Variants in SLC24A3 observed in about 807,000 individuals in gnomAD.
SLC24A3 encodes the protein solute carrier family 24 member 3, also known as sodium/potassium/calcium exchanger 3.
A neutral mutation model predicts 75.8 loss-of-function variants in SLC24A3; 28 were observed. The observed-to-expected ratio is 0.37, with a 90% CI of 0.27 to 0.51. The LOEUF is 0.51. Ranked by LOEUF, SLC24A3 falls within the 20% of genes least tolerant of loss-of-function variation. The pLI, the probability that SLC24A3 is intolerant of heterozygous loss-of-function variation, is 0.94. For missense variants in SLC24A3, 663 were observed against 847.8 expected (o/e 0.78, Z 2.71); for synonymous variants, 372 against 334.1 (o/e 1.11, Z -1.24).
intron 7 of SLC24A3, among the ~76,000 whole-genome samples, chr20:19,656,310 A>C (rs1239810276): frequency 6.6e-6 from 1 of 152,100 alleles, no homozygotes; most frequent in Non-Finnish European, 1.5e-5. Context: ...AGGGAACTGG[A>C]CCTACCATGC....
In SLC24A3 at chr20:19,624,761, T is replaced by C. The variant is rs140210178; in HGVS notation, c.613-29301T>C. Among the ~76,000 whole-genome samples, 657 of 152,348 alleles carry C rather than the reference T, an allele frequency of 4.3e-3. 3 individuals are homozygous for C. The highest frequency in any genetic ancestry group is 0.015 in the African/African-American group (605 of 41,574). On this transcript the variant is annotated intron_variant, in intron 6 of 16. Transcript: ENST00000328041. ...CACTGTGCATGACCACTTATTTAGA[T>C]CTTGGGAAGAGGAAGTGAGCAGGCA...
chr20:19,390,926 G>A (rs1472374225), intron 2 of SLC24A3, among the ~76,000 whole-genome samples: 1 of 152,184 alleles, frequency 6.6e-6, no homozygotes, highest in Non-Finnish European at 1.5e-5. Flanking sequence ...GGGCTTGCCT[G>A]GAAGTGTAGC....
intron 2 of SLC24A3, among the ~76,000 whole-genome samples, chr20:19,443,707 G>T (rs1320688014): frequency 1.3e-5 from 2 of 152,124 alleles, no homozygotes; most frequent in Admixed American, 1.3e-4. Context: ...TTATTATGAT[G>T]TTGAATAGGA....
At chr20:19,468,444 G>C (rs1447434994) in intron 2 of SLC24A3, among the ~76,000 whole-genome samples, 1 of 152,004 alleles carries the variant, frequency 6.6e-6, no homozygotes. Flanking sequence ...CATTTTAACA[G>C]CAAGCAGGAG....
At chr20:19,714,069 A>G (rs2033017645) in intron 15 of SLC24A3, among the ~76,000 whole-genome samples, 1 of 152,216 alleles carries the variant, frequency 6.6e-6, no homozygotes, top group African/African-American at 2.4e-5. Flanking sequence ...TTGATGATAC[A>G]TAAATGAATG....
At chr20:19,253,747 G>T (rs544482301) in intron 1 of SLC24A3, among the ~76,000 whole-genome samples, 1 of 152,310 alleles carries the variant, frequency 6.6e-6, no homozygotes, top group East Asian at 1.9e-4. Flanking sequence ...GAAAGTGCAT[G>T]GAATGGTCCT....
At chr20:19,515,709 G>A (rs1001818548) in intron 3 of SLC24A3, 145 bp downstream of exon 3, 118 of 727,898 alleles carry the variant, frequency 1.6e-4, no homozygotes, top group Non-Finnish European at 3.3e-5. Flanking sequence ...GCTCTGTAGG[G>A]GGCCATCACC....
chr20:19,508,674 C>G (rs1483469229), intron 2 of SLC24A3, among the ~76,000 whole-genome samples: 1 of 152,202 alleles, frequency 6.6e-6, no homozygotes, highest in Non-Finnish European at 1.5e-5. Context: ...ATGGGAACAG[C>G]ACCGCTTGCT....
intron 2 of SLC24A3, among the ~76,000 whole-genome samples, chr20:19,454,259 G>A (rs181638197): frequency 2.3e-4 from 35 of 152,284 alleles, no homozygotes; most frequent in African/African-American, 7.7e-4. Context: ...ACCCATCAAT[G>A]TTGTGTTCCC....
At chr20:19,435,526 T>G (rs1185507074) in intron 2 of SLC24A3, among the ~76,000 whole-genome samples, 1 of 152,226 alleles carries the variant, frequency 6.6e-6, no homozygotes, top group Non-Finnish European at 1.5e-5. Flanking sequence ...TCTACTTGGC[T>G]AGATGATGTG....
intron 15 of SLC24A3, among the ~76,000 whole-genome samples, chr20:19,713,725 G>T (rs912381224): frequency 6.6e-6 from 1 of 152,094 alleles, no homozygotes; most frequent in Non-Finnish European, 1.5e-5. Context: ...TATTCAGAAG[G>T]TATTACACAC....
chr20:19,297,926 G>A (rs755050228), intron 2 of SLC24A3, among the ~76,000 whole-genome samples: 6 of 152,218 alleles, frequency 3.9e-5, no homozygotes, highest in Non-Finnish European at 7.3e-5. Flanking sequence ...AAGGGAAGAA[G>A]GAAGGGAGGA....
At chr20:19,579,405 T>C (rs2031186992) in intron 3 of SLC24A3, among the ~76,000 whole-genome samples, 1 of 152,206 alleles carries the variant, frequency 6.6e-6, no homozygotes, top group Admixed American at 6.5e-5. Flanking sequence ...ACAGGTTCAG[T>C]TGGAAGTGTT....
rs139433225 is a variant in SLC24A3, at chr20:19,294,826, G to A, written c.271+13739G>A. Among the ~76,000 whole-genome samples, 438 of 152,190 alleles carry A rather than the reference G, an allele frequency of 2.9e-3. 2 individuals are homozygous for A. Among genetic ancestry groups the A allele is most frequent in the African/African-American group, 9.8e-3 (405 of 41,508 alleles). On this transcript the variant is annotated intron_variant, in intron 2 of 16. Coordinates refer to ENST00000328041, the MANE Select transcript of SLC24A3 (RefSeq NM_020689.4). ...TAGTAATGGGATTGCTGGGTCAAAT[G>A]GTATTTCTGTTTTTAGGTCTTTGAG...
intron 3 of SLC24A3, among the ~76,000 whole-genome samples, chr20:19,563,842 G>A (rs1193937544): frequency 2.6e-5 from 4 of 152,182 alleles, no homozygotes; most frequent in Admixed American, 6.5e-5. Flanking sequence ...AAACATTGCT[G>A]TAACTGGCAC....
In SLC24A3 at chr20:19,330,369, G is replaced by A. The variant is rs115416933; in HGVS notation, c.271+49282G>A. On this transcript the variant is annotated intron_variant, in intron 2 of 16. Transcript: ENST00000328041. ...TCCAGGGCCCTGATGTGGGAGAAAC[G>A]CTTATTTCCCCATTAAAGGGGAAAA... Among the ~76,000 whole-genome samples, 729 of 152,244 alleles carry A rather than the reference G, an allele frequency of 4.8e-3. 4 individuals are homozygous for A. Among genetic ancestry groups the A allele is most frequent in the South Asian group, 0.015 (73 of 4,820 alleles).
At chr20:19,691,261 C>T (rs1461830292) in intron 12 of SLC24A3, among the ~76,000 whole-genome samples, 1 of 152,198 alleles carries the variant, frequency 6.6e-6, no homozygotes, top group Non-Finnish European at 1.5e-5. Flanking sequence ...CAGTGACATT[C>T]GAGCAGTGAA....
intron 3 of SLC24A3, among the ~76,000 whole-genome samples, chr20:19,529,643 A>C (rs1457499577): frequency 6.6e-6 from 1 of 152,080 alleles, no homozygotes; most frequent in Non-Finnish European, 1.5e-5. Flanking sequence ...ACCTCTCCCA[A>C]GTTCATCCCC....
chr20:19,441,578 C>T (rs1439190193), intron 2 of SLC24A3, among the ~76,000 whole-genome samples: 1 of 152,110 alleles, frequency 6.6e-6, no homozygotes, highest in African/African-American at 2.4e-5. Flanking sequence ...GAAAAGTCCC[C>T]ATATCCCCAT....
Sources: allele counts gnomAD v4.1 joint callset (sites outside exome capture counted in the v4.1 genomes callset), GRCh38; gene constraint gnomAD v4.1.1; transcripts MANE v1.5; gene names NCBI Gene and HGNC (gene_info 2026-07-23, HGNC 2026-07-21).